Variants in METAP1D observed in about 807,000 individuals in gnomAD.
METAP1D encodes the protein methionyl aminopeptidase type 1D, mitochondrial.
METAP1D carries 31 observed loss-of-function variants against 40.5 expected under a neutral mutation model. That is an observed-to-expected ratio of 0.77 (90% confidence interval 0.58 to 1.03). METAP1D has a LOEUF of 1.03. Ranked by LOEUF, METAP1D falls within the 50% of genes least tolerant of loss-of-function variation. METAP1D has a pLI of 0.00. For missense variants in METAP1D, 411 were observed against 420.7 expected, an observed-to-expected ratio of 0.98 and a Z score of 0.20; for synonymous variants, 151 against 146.4, an observed-to-expected ratio of 1.03 and a Z score of -0.22.
At chr2:172,055,208 A>G (rs1195127464) in intron 1 of METAP1D, among the ~76,000 whole-genome samples, 2 of 152,206 alleles carry the variant, frequency 1.3e-5, no homozygotes, top group Non-Finnish European at 2.9e-5. Flanking sequence ...AATGAATGAT[A>G]GTGTGTGGGA....
intron 1 of METAP1D, among the ~76,000 whole-genome samples, chr2:172,016,453 A>T (rs1304246134): frequency 6.7e-6 from 1 of 149,402 alleles, no homozygotes; most frequent in Non-Finnish European, 1.5e-5. Context: ...CCCTGTCTCT[A>T]CAAAAAAAAA....
At chr2:172,003,887 C>T (rs1688523047) in intron 1 of METAP1D, among the ~76,000 whole-genome samples, 1 of 152,042 alleles carries the variant, frequency 6.6e-6, no homozygotes, top group African/African-American at 2.4e-5. Context: ...GCCTCAGCCT[C>T]CCGAGTAGCT....
At chr2:172,068,971 T>C (rs2105487913) in intron 5 of METAP1D, among the ~76,000 whole-genome samples, 1 of 152,178 alleles carries the variant, frequency 6.6e-6, no homozygotes, top group Admixed American at 6.5e-5. Flanking sequence ...CAGGATGCAG[T>C]GCAGTGGTGC....
rs576129788 is a variant in METAP1D, at chr2:172,006,557, A to G, written c.40+6548A>G. 2.6e-5 allele frequency among the ~76,000 whole-genome samples: 4 copies of G among 152,324 alleles called. No individual in the cohort carries two copies. The East Asian group carries it at 5.8e-4, about 22-fold the overall frequency. ...CCATAAAAATCAGTGTGGATGCTAT[A>G]TATCTTAGGGAACTTGGCAAAGATG... On this transcript the variant is annotated intron_variant, in intron 1 of 9. Coordinates refer to ENST00000315796, the MANE Select transcript of METAP1D (RefSeq NM_199227.3).
At chr2:172,054,626 G>T (rs1444393891) in intron 1 of METAP1D, among the ~76,000 whole-genome samples, 2 of 152,220 alleles carry the variant, frequency 1.3e-5, no homozygotes, top group East Asian at 1.9e-4. Context: ...ATAAAATGCA[G>T]CTTTTAGAAA....
At chr2:172,016,629 C>A (rs538498839) in intron 1 of METAP1D, among the ~76,000 whole-genome samples, 19 of 150,396 alleles carry the variant, frequency 1.3e-4, no homozygotes, top group South Asian at 6.4e-4. Context: ...CCCACCCCCC[C>A]AAAAAAGAAA....
chr2:172,006,397 C>T (rs913148695), intron 1 of METAP1D, among the ~76,000 whole-genome samples: 1 of 152,050 alleles, frequency 6.6e-6, no homozygotes, highest in African/African-American at 2.4e-5. Flanking sequence ...GTTAGCCAGG[C>T]TGGTCTCGAT....
At chr2:172,032,246 G>A (rs963072825) in intron 1 of METAP1D, among the ~76,000 whole-genome samples, 1 of 152,126 alleles carries the variant, frequency 6.6e-6, no homozygotes, top group African/African-American at 2.4e-5. Context: ...GAAAAGATAC[G>A]TGATTTATTA....
At chr2:172,065,895 G>C (rs946655361) in intron 4 of METAP1D, 143 bp downstream of exon 4, 1 of 914,724 alleles carries the variant, frequency 1.1e-6, no homozygotes, top group Non-Finnish European at 1.6e-6. Context: ...CAGAAATTTT[G>C]AAGTATTTTA....
In METAP1D at chr2:172,000,088, A is replaced by G. The variant is rs866645067; in HGVS notation, c.40+79A>G. 17 of 1,221,744 alleles carry G rather than the reference A, an allele frequency of 1.4e-5. No homozygotes were observed. The African/African-American group carries it at 2.4e-4, about 17-fold the overall frequency. 75.7% of individuals were successfully genotyped at this position (1,221,744 alleles called of 1,614,324 possible). On this transcript the variant is annotated intron_variant, in intron 1 of 9. Transcript: ENST00000315796. ...CGCACCCGGGTCCAAAGGGATGCGCACCCGCGCTCAGACTTCTCGGCGCAC... is the reference window on the plus strand; with the variant it reads ...CGCACCCGGGTCCAAAGGGATGCGCGCCCGCGCTCAGACTTCTCGGCGCAC...
intron 1 of METAP1D, among the ~76,000 whole-genome samples, chr2:172,057,073 C>A (rs1423608829): frequency 6.6e-6 from 1 of 152,168 alleles, no homozygotes; most frequent in East Asian, 1.9e-4. Flanking sequence ...TGAGAGGCAA[C>A]TGGAATGGCA....
chr2:172,029,034 A>G (rs958398678), intron 1 of METAP1D, among the ~76,000 whole-genome samples: 21 of 152,242 alleles, frequency 1.4e-4, no homozygotes, highest in Non-Finnish European at 2.4e-4. Context: ...TGGTCAAACC[A>G]TAACAAACCC....
intron 1 of METAP1D, among the ~76,000 whole-genome samples, chr2:172,023,594 C>T (rs1257926263): frequency 6.6e-6 from 1 of 152,028 alleles, no homozygotes; most frequent in Admixed American, 6.6e-5. Context: ...TCGAATGGTA[C>T]CTTAAGATTC....
At chr2:172,025,742 C>T (rs899321912) in intron 1 of METAP1D, among the ~76,000 whole-genome samples, 1 of 151,920 alleles carries the variant, frequency 6.6e-6, no homozygotes, top group Non-Finnish European at 1.5e-5. Context: ...TGGGTCGCTT[C>T]GTTGCCCAGG....
rs1181210619 is a variant in METAP1D at position 172,040,115 on chromosome 2, G to A, written c.41-21383G>A. Among the ~76,000 whole-genome samples the A allele has an allele frequency of 4.1e-5, 6 of 147,714 alleles. No homozygotes were observed. The East Asian group carries it at 1.2e-3, about 30-fold the overall frequency. ...TGGGATTACAGGCGCTCGCCATCAC[G>A]CCCGGCTAATTTTTGTATTTTCAGT... On this transcript the variant is annotated intron_variant, in intron 1 of 9. Transcript: ENST00000315796.
At position 172,065,681 on chromosome 2, in the gene METAP1D, A is replaced by G; in HGVS notation, c.426A>G (p.Leu142=). ...IISHNAYPSP[L]GYGGFPKSVC... is the part of the protein sequence containing the mutation. ...GTCATAATGCCTATCCCTCACCTCTAGGCTATGGAGGTTTTCCAAAATCTG... is the reference window on the plus strand; with the variant it reads ...GTCATAATGCCTATCCCTCACCTCTGGGCTATGGAGGTTTTCCAAAATCTG... The change falls in exon 4 of 10, where the codon CTA becomes CTG. Residue 142 remains leucine, a synonymous_variant. Transcript: ENST00000315796. 1 of 1,614,006 alleles carries G rather than the reference A, an allele frequency of 6.2e-7. No homozygotes were observed. The highest frequency in any genetic ancestry group is 8.5e-7 in the Non-Finnish European group (1 of 1,179,932).
At chr2:172,001,940 A>G (rs1253255683) in intron 1 of METAP1D, among the ~76,000 whole-genome samples, 1 of 151,950 alleles carries the variant, frequency 6.6e-6, no homozygotes, top group Non-Finnish European at 1.5e-5. Flanking sequence ...TACTAAAAAT[A>G]CAAAAATTAG....
chr2:172,055,907 G>T (rs769323159), intron 1 of METAP1D, among the ~76,000 whole-genome samples: 6 of 152,164 alleles, frequency 3.9e-5, no homozygotes, highest in Non-Finnish European at 7.3e-5. Flanking sequence ...TTTCGGCAGT[G>T]AGGCTGTCAT....
At position 172,044,832 on chromosome 2, in the gene METAP1D, A is replaced by T. The variant is rs1370735424; in HGVS notation, c.41-16666A>T. ...GAGGCAGGAGAATTCTTGAACCTGG[A>T]TGATGGAGGTCATGCCACTGCACTC... On this transcript the variant is annotated intron_variant, in intron 1 of 9. Transcript: ENST00000315796. Among the ~76,000 whole-genome samples, 2 of 133,014 alleles carry T rather than the reference A, an allele frequency of 1.5e-5. 1 individual carries two copies. Among genetic ancestry groups the T allele is most frequent in the South Asian group, 4.9e-4 (2 of 4,080 alleles). 87.3% of individuals were successfully genotyped at this position (133,014 alleles called of 152,430 possible). A position where few individuals can be genotyped will look rare whatever the true frequency, so the allele number is the denominator to read the frequency against.
Sources: allele counts gnomAD v4.1 joint callset (sites outside exome capture counted in the v4.1 genomes callset), GRCh38; gene constraint gnomAD v4.1.1; transcripts MANE v1.5; gene names NCBI Gene and HGNC (gene_info 2026-07-23, HGNC 2026-07-21).